Variants in EBF3 observed in about 807,000 individuals in gnomAD.
The protein encoded by EBF3 is transcription factor COE3.
EBF3 carries 18 observed loss-of-function variants against 77.1 expected under a neutral mutation model. That is an observed-to-expected ratio of 0.23 (90% CI 0.16 to 0.35). The LOEUF is 0.35. Among genes scored for constraint, EBF3 ranks in the 10% least tolerant of loss-of-function variants. EBF3 has a pLI of 1.00. For synonymous variants in EBF3, 350 were observed against 343.5 expected (o/e 1.02, Z -0.21); for missense variants, 558 against 860.0 (o/e 0.65, Z 4.39).
At position 129,861,797 on chromosome 10, in the gene EBF3, T is replaced by C. The variant is rs1390373881; in HGVS notation, c.1039+5344A>G. Among the ~76,000 whole-genome samples the C allele has an allele frequency of 6.6e-6, 1 of 152,120 alleles. No homozygotes were observed. The highest frequency in any genetic ancestry group is 6.5e-5 in the Admixed American group (1 of 15,276). ...TTTACATGGAAGGAAGGCATTAGCA[T>C]TGAGTTGAGCATAGTAAAAATAGTA... On this transcript the variant is annotated intron_variant, in intron 10 of 16. Coordinates refer to ENST00000440978, the MANE Select transcript of EBF3 (RefSeq NM_001375380.1). The surrounding 1 kb of genome is among the most constrained non-coding windows in gnomAD (Gnocchi z 4.3).
chr10:129,875,187 C>CTTCTTCTTTTTTTTTTTTTTTTTTTTTTT (rs1852672323), intron 7 of EBF3, among the ~76,000 whole-genome samples: 1 of 92,932 alleles, frequency 1.1e-5, no homozygotes, highest in African/African-American at 4.1e-5. Flanking sequence ...ATGGCTTCTT[C>CTTCTTCTTTTTTTTTTTTTTTTTTTTTTT]TTTTTTTTTT....
rs139794763 is a variant in EBF3, at chr10:129,932,311, T to G, written c.554+24947A>C. ...CATTCATTCCTCAAGCTGCCTAGCC[T>G]GGGAGGCAATCCCTGGCAGCCAGCC... On this transcript the variant is annotated intron_variant, in intron 6 of 16. Coordinates refer to ENST00000440978, the MANE Select transcript of EBF3 (RefSeq NM_001375380.1). 4.6e-3 allele frequency among the ~76,000 whole-genome samples: 699 copies of G among 152,318 alleles called. 3 individuals are homozygous for G. Among genetic ancestry groups the G allele is most frequent in the African/African-American group, 0.016 (676 of 41,576 alleles).
At chr10:129,892,600 G>A (rs1282333335) in intron 6 of EBF3, among the ~76,000 whole-genome samples, 2 of 152,186 alleles carry the variant, frequency 1.3e-5, no homozygotes, top group South Asian at 4.1e-4. Flanking sequence ...CATAAATATA[G>A]CACAAGAATC....
intron 6 of EBF3, among the ~76,000 whole-genome samples, chr10:129,951,416 C>T (rs550143632): frequency 6.6e-6 from 1 of 152,366 alleles, no homozygotes; most frequent in South Asian, 2.1e-4. Context: ...GCCCTGCTTC[C>T]AGCCCTTGCC....
At chr10:129,931,718 A>T (rs1857040228) in intron 6 of EBF3, among the ~76,000 whole-genome samples, 1 of 152,252 alleles carries the variant, frequency 6.6e-6, no homozygotes, top group Non-Finnish European at 1.5e-5. Flanking sequence ...TCTTGGTAAC[A>T]GCACCAATTT....
chr10:129,895,663 T>C (rs1256245557), intron 6 of EBF3, among the ~76,000 whole-genome samples: 1 of 152,204 alleles, frequency 6.6e-6, no homozygotes, highest in Non-Finnish European at 1.5e-5. Flanking sequence ...TAAACACACC[T>C]GTGCTTCTCC....
chr10:129,844,417 C>CAT (rs1850309770), intron 11 of EBF3, among the ~76,000 whole-genome samples: 2 of 152,192 alleles, frequency 1.3e-5, no homozygotes, highest in Non-Finnish European at 2.9e-5. Context: ...TGCAGATTCA[C>CAT]ATAAGCAGAT....
chr10:129,950,117 G>C (rs1012947400), intron 6 of EBF3, among the ~76,000 whole-genome samples: 1 of 152,052 alleles, frequency 6.6e-6, no homozygotes, highest in Non-Finnish European at 1.5e-5. Flanking sequence ...TGTGCAGGCA[G>C]CTCCGTCTTC....
intron 8 of EBF3, among the ~76,000 whole-genome samples, chr10:129,872,541 G>A (rs1189897370): frequency 6.6e-6 from 1 of 152,064 alleles, no homozygotes; most frequent in Admixed American, 6.5e-5. Flanking sequence ...CTCGAATGTG[G>A]GACCTCGGGA....
chr10:129,934,331 G>C (rs1260884709), intron 6 of EBF3, among the ~76,000 whole-genome samples: 3 of 152,068 alleles, frequency 2.0e-5, no homozygotes, highest in Non-Finnish European at 4.4e-5. Flanking sequence ...TTCACTGTGG[G>C]TCCAGCGGGT....
chr10:129,867,168 C>G lies in EBF3; in HGVS notation c.1012G>C (p.Gly338Arg). 6.2e-7 allele frequency: 1 copy of G among 1,614,064 alleles called. No individual in the cohort carries two copies. The highest frequency in any genetic ancestry group is 8.5e-7 in the Non-Finnish European group (1 of 1,179,998). ...GTGTAGACAAAGCGCCCAGGAGCAC[C>G]TTTGCAGAACTGCTTGGATTTGTAG... Reference protein sequence around the residue: ...LSYKSKQFCKGAPGRFVYTAL... With the variant: ...LSYKSKQFCKRAPGRFVYTAL... Residue 338 changes from glycine (G) to arginine (R), a missense_variant, in exon 10 of 17, where the codon GGT becomes CGT. Gly to Arg is a moderately radical substitution (Grantham distance 125, BLOSUM62 -2). Around this residue, in one of 5 missense-constraint regions of EBF3, gnomAD observed 112 missense variants for 207.7 expected, o/e 0.54. Coordinates refer to ENST00000440978, the MANE Select transcript of EBF3 (RefSeq NM_001375380.1).
At chr10:129,925,253 G>A (rs1435043435) in intron 6 of EBF3, among the ~76,000 whole-genome samples, 1 of 151,772 alleles carries the variant, frequency 6.6e-6, no homozygotes, top group Admixed American at 6.6e-5. Context: ...TGGCTGGTGT[G>A]AGGGTGGGGG....
chr10:129,838,180 G>A (rs1849741006), intron 16 of EBF3, among the ~76,000 whole-genome samples: 1 of 152,240 alleles, frequency 6.6e-6, no homozygotes, highest in Non-Finnish European at 1.5e-5. Flanking sequence ...TGCCCCTCCT[G>A]CAGCCCTCCT....
At chr10:129,961,777 A>G (rs949356612) in intron 4 of EBF3, among the ~76,000 whole-genome samples, 1 of 152,222 alleles carries the variant, frequency 6.6e-6, no homozygotes, top group Non-Finnish European at 1.5e-5. Context: ...AATCAAGTCC[A>G]ACTCGATGGG....
At chr10:129,923,042 G>A (rs1856420873) in intron 6 of EBF3, among the ~76,000 whole-genome samples, 2 of 152,216 alleles carry the variant, frequency 1.3e-5, no homozygotes, top group African/African-American at 2.4e-5. Context: ...GGCTGGGTGA[G>A]GGGTAACCCG....
chr10:129,926,030 G>A (rs543753506), intron 6 of EBF3, among the ~76,000 whole-genome samples: 3 of 152,340 alleles, frequency 2.0e-5, no homozygotes, highest in African/African-American at 7.2e-5. Flanking sequence ...AGTGGGCAAA[G>A]TGTCACACTG....
chr10:129,899,062 C>CACTGTCTCCT (rs71007571), intron 6 of EBF3, among the ~76,000 whole-genome samples: 21,249 of 152,250 alleles, frequency 0.14, 1,918 homozygotes, highest in Admixed American at 0.21. Flanking sequence ...CAGCATCTGT[C>CACTGTCTCCT]ACTGTCTCCT....
At chr10:129,959,044 C>G (rs1192566115) in intron 4 of EBF3, 37 bp from the exon 5 acceptor site, 1 of 1,595,484 alleles carries the variant, frequency 6.3e-7, no homozygotes, top group Non-Finnish European at 8.5e-7. Flanking sequence ...GGTTACGCGG[C>G]GCCCGCGGCT....
At chr10:129,919,970 G>T (rs1856157643) in intron 6 of EBF3, among the ~76,000 whole-genome samples, 1 of 147,820 alleles carries the variant, frequency 6.8e-6, no homozygotes, top group African/African-American at 2.6e-5. Context: ...CCGCTGTGCA[G>T]TCTAGGGCGA....
Sources: gnomAD v4.1 joint callset for allele counts (sites outside exome capture counted in the v4.1 genomes callset) on GRCh38, gnomAD v4.1.1 for gene constraint, gnomAD v4.1.1 regional missense constraint, Gnocchi (gnomAD v3.1) non-coding constraint, MANE v1.5 for transcripts, NCBI Gene and HGNC (gene_info 2026-07-23, HGNC 2026-07-21) for gene names.